TAF8: variants seen among roughly 807,000 people sequenced by gnomAD.
The protein encoded by TAF8 is transcription initiation factor TFIID subunit 8.
In TAF8, 47 loss-of-function variants were observed where a neutral mutation model predicts 36.5. That is an observed-to-expected ratio of 1.29 (90% CI 1.02 to 1.64). TAF8 has a LOEUF of 1.64. Among genes scored for constraint, TAF8 ranks in the 40% most tolerant of loss-of-function variants. TAF8 has a pLI of 0.00. For missense variants in TAF8, 420 were observed against 407.6 expected (o/e 1.03, Z -0.26); for synonymous variants, 175 against 159.5 (o/e 1.10, Z -0.73).
rs1765966160 is a variant in TAF8 at position 42,083,044 on chromosome 6, TAA to T, written c.*5502_*5503del. On this transcript the variant is annotated 3_prime_UTR_variant, in exon 9 of 9. Coordinates refer to ENST00000372977, the MANE Select transcript of TAF8 (RefSeq NM_138572.3). ...TAATATATGTATACAGTATAAAATT[TAA>T]AAGACAGAAAAAGATATAAGTGATA... The T allele has an allele frequency of 6.6e-6, 1 of 152,208 alleles. No individual in the cohort carries two copies. Among genetic ancestry groups the T allele is most frequent in the African/African-American group, 2.4e-5 (1 of 41,462 alleles). 9.4% of individuals were successfully genotyped at this position (152,208 alleles called of 1,614,324 possible).
chr6:42,086,111 T>TA (rs751992988), downstream of TAF8, among the ~76,000 whole-genome samples: 2 of 152,210 alleles, frequency 1.3e-5, no homozygotes, highest in Non-Finnish European at 2.9e-5. Context: ...CTGTGAGAAA[T>TA]ACATTTCTGT....
intron 5 of TAF8, among the ~76,000 whole-genome samples, chr6:42,059,577 A>G (rs1765120946): frequency 6.6e-6 from 1 of 152,200 alleles, no homozygotes; most frequent in Non-Finnish European, 1.5e-5. Context: ...TGTAGCCTCC[A>G]GCTGCATGAC....
chr6:42,057,496 AC>A lies in TAF8; in HGVS notation c.474del (p.Tyr159ThrfsTer55). 3.7e-6 allele frequency: 6 copies of A among 1,613,988 alleles called. No homozygotes were observed. Among genetic ancestry groups the A allele is most frequent in the Non-Finnish European group, 4.2e-6 (5 of 1,180,000 alleles). On this transcript the variant is annotated frameshift_variant, in exon 5 of 9. Transcript: ENST00000372977. LOFTEE classifies it high-confidence loss of function. ...TTTTCCTGAGTTCCCTGATCCCCAC[AC>A]CTACATCAAAACTCCGGTGAGTGAT... ...SHFPEFPDPH[T>X]YIKTPTYREP...
intron 5 of TAF8, among the ~76,000 whole-genome samples, chr6:42,062,905 A>C (rs906997450): frequency 1.3e-5 from 2 of 152,148 alleles, no homozygotes; most frequent in Non-Finnish European, 2.9e-5. Context: ...GCTATGGCTA[A>C]AGCTATGCCA....
At position 42,079,583 on chromosome 6, in the gene TAF8, GAC is replaced by G; in HGVS notation, c.*2040_*2041del. 3.0e-6 allele frequency: 3 copies of G among 984,786 alleles called. No homozygotes were observed. Among genetic ancestry groups the G allele is most frequent in the Non-Finnish European group, 3.6e-6 (3 of 829,526 alleles). The allele number at this position is 984,786 out of a possible 1,614,324, so 61.0% of individuals were successfully genotyped here. On this transcript the variant is annotated 3_prime_UTR_variant, in exon 9 of 9. Coordinates refer to ENST00000372977, the MANE Select transcript of TAF8 (RefSeq NM_138572.3). ...CACAGTTCAACTCCTTTTATTTTGA[GAC>G]AGGGTCTCGCTGTGTCGCCCCAGCT...
At chr6:42,052,190 C>T (rs1348548727) in intron 2 of TAF8, among the ~76,000 whole-genome samples, 1 of 152,034 alleles carries the variant, frequency 6.6e-6, no homozygotes, top group Non-Finnish European at 1.5e-5. Flanking sequence ...ATTTTAAGCT[C>T]TTGGTGAGTT....
intron 4 of TAF8, among the ~76,000 whole-genome samples, chr6:42,056,791 A>G (rs1765004495): frequency 6.6e-6 from 1 of 152,134 alleles, no homozygotes; most frequent in South Asian, 2.1e-4. Context: ...TTTTTAGTAG[A>G]GACAGGGTTT....
intron 1 of TAF8, 181 bp downstream of exon 1, chr6:42,050,767 G>A (rs1314783229): frequency 8.4e-6 from 8 of 955,068 alleles, no homozygotes; most frequent in Non-Finnish European, 1.2e-5. Context: ...TCCGGAGTTG[G>A]CGGACCTGTG....
chr6:42,080,684 C>CT lies in TAF8; in HGVS notation c.*3140dup. ...GAGCCACCGCGCCTGGCCTCAGAGG[C>CT]TATACTCTTATAATTTTGTTCTGAG... On this transcript the variant is annotated 3_prime_UTR_variant, in exon 9 of 9. Transcript: ENST00000372977. 2.0e-6 allele frequency: 2 copies of CT among 985,012 alleles called. No homozygotes were observed. The highest frequency in any genetic ancestry group is 3.5e-5 in the African/African-American group (2 of 57,258). 61.0% of individuals were successfully genotyped at this position (985,012 alleles called of 1,614,324 possible). A position where few individuals can be genotyped will look rare whatever the true frequency, so the allele number is the denominator to read the frequency against.
chr6:42,052,479 G>A (rs1164313852), intron 2 of TAF8, among the ~76,000 whole-genome samples: 4 of 152,028 alleles, frequency 2.6e-5, no homozygotes, highest in Non-Finnish European at 5.9e-5. Context: ...GCACCACCAC[G>A]CCTGGCTAAT....
downstream of TAF8, among the ~76,000 whole-genome samples, chr6:42,085,549 G>A (rs761765761): frequency 3.3e-5 from 5 of 152,086 alleles, no homozygotes; most frequent in Admixed American, 1.3e-4. Context: ...TAGGCCAGGC[G>A]CGGTGGCTTA....
intron 2 of TAF8, 154 bp downstream of exon 2, chr6:42,051,667 A>C: frequency 1.3e-6 from 1 of 797,612 alleles, no homozygotes; most frequent in Non-Finnish European, 1.9e-6. Flanking sequence ...GAGAAAAGAA[A>C]ACAGCACAAT....
intron 2 of TAF8, among the ~76,000 whole-genome samples, chr6:42,053,141 C>T (rs1339214885): frequency 1.3e-5 from 2 of 152,126 alleles, no homozygotes; most frequent in African/African-American, 4.8e-5. Flanking sequence ...ACTTCTGGAC[C>T]CAAGCCTCCC....
chr6:42,086,330 C>T (rs559764099), downstream of TAF8, among the ~76,000 whole-genome samples: 1 of 152,204 alleles, frequency 6.6e-6, no homozygotes, highest in African/African-American at 2.4e-5. Flanking sequence ...GAATAGCCTT[C>T]GCTTGAATTT....
chr6:42,053,265 A>G (rs1362104192), intron 2 of TAF8, among the ~76,000 whole-genome samples: 1 of 152,098 alleles, frequency 6.6e-6, no homozygotes, highest in Non-Finnish European at 1.5e-5. Flanking sequence ...GCCACGTTAG[A>G]AAAAACAAAT....
chr6:42,059,918 G>A (rs2127453747), intron 5 of TAF8, among the ~76,000 whole-genome samples: 1 of 152,242 alleles, frequency 6.6e-6, no homozygotes, highest in Non-Finnish European at 1.5e-5. Context: ...GCTATCAATT[G>A]CTCTGGCTTC....
At chr6:42,086,763 C>G, downstream of TAF8, 1 of 1,550,694 alleles carries the variant, frequency 6.4e-7, no homozygotes, top group Middle Eastern at 1.7e-4. Context: ...CCTAAGCTGC[C>G]AAGTGCTCCC....
intron 1 of TAF8, chr6:42,050,966 C>T (rs1278638813): frequency 2.4e-5 from 26 of 1,099,794 alleles, no homozygotes; most frequent in Non-Finnish European, 2.8e-5. Flanking sequence ...CCTCTTGTTA[C>T]TGTTTTCATT....
At position 42,051,099 on chromosome 6, in the gene TAF8, A is replaced by C. The variant is rs1450525483; in HGVS notation, c.46-258A>C. On this transcript the variant is annotated intron_variant, in intron 1 of 8. Coordinates refer to ENST00000372977, the MANE Select transcript of TAF8 (RefSeq NM_138572.3). ...AGCTATGTATTCTAATAATCTGCTA[A>C]AGTAGAAAGTAAAAGACCTGCTATT... 5.2e-6 allele frequency: 6 copies of C among 1,152,930 alleles called. No individual in the cohort carries two copies. The East Asian group carries it at 2.8e-4, about 54-fold the overall frequency. The allele number at this position is 1,152,930 out of a possible 1,614,324, so 71.4% of individuals were successfully genotyped here.
Sources: allele counts gnomAD v4.1 joint callset (sites outside exome capture counted in the v4.1 genomes callset), GRCh38; gene constraint gnomAD v4.1.1; transcripts MANE v1.5; gene names NCBI Gene and HGNC (gene_info 2026-07-23, HGNC 2026-07-21).